Variants in ADORA1 observed in about 807,000 individuals in gnomAD.
The protein encoded by ADORA1 is adenosine receptor A1.
In ADORA1, 6 loss-of-function variants were observed where a neutral mutation model predicts 19.9. That is an observed-to-expected ratio of 0.30 (90% CI 0.17 to 0.59). ADORA1 has a LOEUF of 0.59. Among genes scored for constraint, ADORA1 ranks in the 20% least tolerant of loss-of-function variants. ADORA1 has a pLI of 0.87. For synonymous variants in ADORA1, 194 were observed against 188.4 expected (o/e 1.03, Z -0.24); for missense variants, 302 against 439.2 (o/e 0.69, Z 2.79).
chr1:203,165,048 C>T lies in ADORA1; in HGVS notation c.342-213C>T, dbSNP rs1382127101. 6.5e-7 allele frequency: 1 copy of T among 1,550,312 alleles called. No individual in the cohort carries two copies. The highest frequency in any genetic ancestry group is 2.4e-5 in the East Asian group (1 of 40,922). ...TTTGTCATTAATCAGGATTTCCTCT[C>T]TCTGTAGGAGAATAAGCCAATGCAT... is the stretch of plus-strand genomic sequence containing the variant. On this transcript the variant is annotated intron_variant, in intron 3 of 3. Coordinates refer to ENST00000337894, the MANE Select transcript of ADORA1 (RefSeq NM_000674.3). This position sits in a 1 kb window ranked among gnomAD's most constrained non-coding sequence, Gnocchi z 5.9.
chr1:203,142,732 T>C (rs1654733745), intron 3 of ADORA1, among the ~76,000 whole-genome samples: 1 of 152,118 alleles, frequency 6.6e-6, no homozygotes, highest in African/African-American at 2.4e-5. Context: ...TTCCAGGGTG[T>C]GAATAGTTCC....
intron 3 of ADORA1, among the ~76,000 whole-genome samples, chr1:203,132,130 T>C (rs1450892444): frequency 1.3e-5 from 2 of 152,246 alleles, no homozygotes; most frequent in African/African-American, 4.8e-5. Context: ...CTCAAATTGT[T>C]GATTCATCAG....
intron 3 of ADORA1, among the ~76,000 whole-genome samples, chr1:203,136,224 G>A (rs897878906): frequency 1.3e-5 from 2 of 152,194 alleles, no homozygotes; most frequent in Non-Finnish European, 2.9e-5. Context: ...CAGGCAGGTG[G>A]TCGTGGGGAT....
chr1:203,136,227 G>A (rs3766566), intron 3 of ADORA1, among the ~76,000 whole-genome samples: 29,844 of 152,096 alleles, frequency 0.2, 3,241 homozygotes, highest in East Asian at 0.33. Context: ...GCAGGTGGTC[G>A]TGGGGATAAG....
chr1:203,156,012 A>G (rs1359016546), intron 3 of ADORA1, among the ~76,000 whole-genome samples: 1 of 152,260 alleles, frequency 6.6e-6, no homozygotes, highest in Non-Finnish European at 1.5e-5. Context: ...GTCCTTGAGC[A>G]ATCATTTCTG....
At chr1:203,140,994 G>C (rs1654666289) in intron 3 of ADORA1, among the ~76,000 whole-genome samples, 2 of 152,264 alleles carry the variant, frequency 1.3e-5, no homozygotes, top group Non-Finnish European at 2.9e-5. Context: ...CTCGTGCACA[G>C]TGGTTCCCAC....
chr1:203,130,199 C>T (rs935858588), intron 3 of ADORA1, among the ~76,000 whole-genome samples: 1 of 152,242 alleles, frequency 6.6e-6, no homozygotes, highest in Admixed American at 6.5e-5. Flanking sequence ...CCTCTGACCT[C>T]ACTTGGCCCC....
At chr1:203,151,416 T>C (rs138793380) in intron 3 of ADORA1, among the ~76,000 whole-genome samples, 4 of 152,346 alleles carry the variant, frequency 2.6e-5, no homozygotes, top group African/African-American at 9.6e-5. Flanking sequence ...GAGAGCTGGC[T>C]GTGAAATAGA....
chr1:203,154,673 C>A (rs904831062), intron 3 of ADORA1, among the ~76,000 whole-genome samples: 8 of 152,150 alleles, frequency 5.3e-5, no homozygotes, highest in African/African-American at 1.9e-4. Flanking sequence ...CCGCCCCATC[C>A]CCACTGCTCC....
Position 203,132,827 on chromosome 1 carries a change from A to G in ADORA1, c.341+3645A>G, listed in dbSNP as rs533903926. Among the ~76,000 whole-genome samples the G allele has an allele frequency of 2.3e-4, 35 of 152,308 alleles. No homozygotes were observed. The South Asian group carries it at 5.2e-3, about 23-fold the overall frequency. On this transcript the variant is annotated intron_variant, in intron 3 of 3. Transcript: ENST00000337894. ...GCGCCACTACACTCTAGCCTGGGCA[A>G]CAGAGCAAGACTCTGTCTCAATATA...
rs763681145 is a variant in ADORA1, at chr1:203,133,153, G to C, written c.341+3971G>C. Among the ~76,000 whole-genome samples, 95 of 145,828 alleles carry C rather than the reference G, an allele frequency of 6.5e-4. 1 individual carries two copies. The South Asian group carries it at 7.5e-3, about 12-fold the overall frequency. On this transcript the variant is annotated intron_variant, in intron 3 of 3. Transcript: ENST00000337894. ...TTTTGAGATGGAGTCTCATTCTGTC[G>C]CCCAGGCTGGAGTGCAGTGGCACAA...
chr1:203,165,312 C>T lies in ADORA1; in HGVS notation c.393C>T (p.Cys131=). Residue 131 remains cysteine, a synonymous_variant, in exon 4 of 4, where the codon TGC becomes TGT. Coordinates refer to ENST00000337894, the MANE Select transcript of ADORA1 (RefSeq NM_000674.3). This position sits in a 1 kb window ranked among gnomAD's most constrained non-coding sequence, Gnocchi z 5.9. ...GGGCGGCGGTGGCCATAGCCGGCTG[C>T]TGGATCCTCTCCTTCGTGGTGGGAC... ...PRRAAVAIAG[C]WILSFVVGLT... The T allele has an allele frequency of 6.4e-7, 1 of 1,569,510 alleles. No individual in the cohort carries two copies. Among genetic ancestry groups the T allele is most frequent in the Non-Finnish European group, 8.6e-7 (1 of 1,157,848 alleles).
At chr1:203,132,590 C>T (rs1654377443) in intron 3 of ADORA1, among the ~76,000 whole-genome samples, 1 of 152,162 alleles carries the variant, frequency 6.6e-6, no homozygotes, top group African/African-American at 2.4e-5. Flanking sequence ...TGCCTGTAAT[C>T]CCAGCACATT....
intron 3 of ADORA1, among the ~76,000 whole-genome samples, chr1:203,140,347 G>A (rs1278278332): frequency 6.6e-6 from 1 of 152,194 alleles, no homozygotes; most frequent in Non-Finnish European, 1.5e-5. Flanking sequence ...ACTGGAAATA[G>A]GTTGAGGTGC....
At chr1:203,153,002 C>T (rs902451265) in intron 3 of ADORA1, among the ~76,000 whole-genome samples, 1 of 152,192 alleles carries the variant, frequency 6.6e-6, no homozygotes, top group African/African-American at 2.4e-5. Flanking sequence ...GAAAGCCTCC[C>T]ACTTTGCACC....
chr1:203,134,567 C>T (rs1410972674), intron 3 of ADORA1, among the ~76,000 whole-genome samples: 3 of 152,158 alleles, frequency 2.0e-5, no homozygotes, highest in Non-Finnish European at 2.9e-5. Flanking sequence ...GGCAACCTGC[C>T]GAGGTGTCAG....
intron 3 of ADORA1, among the ~76,000 whole-genome samples, chr1:203,151,788 GCATT>G (rs34226911): frequency 0.35 from 52,769 of 151,148 alleles, 10,748 homozygotes; most frequent in East Asian, 0.58. Context: ...ATGCATGCAT[GCATT>G]CATTCATTCA....
chr1:203,161,425 G>C (rs1408143481), intron 3 of ADORA1, among the ~76,000 whole-genome samples: 1 of 152,090 alleles, frequency 6.6e-6, no homozygotes, highest in Non-Finnish European at 1.5e-5. Context: ...GACAACACAG[G>C]GGGGCCCCTG....
Position 203,159,467 on chromosome 1 carries a change from C to T in ADORA1, c.342-5794C>T, listed in dbSNP as rs535403874. ...TCTTGCCACTCTTGCCTCAGCACCT[C>T]TCCCCGATGGTGCCTTCTGCCTAGA... On this transcript the variant is annotated intron_variant, in intron 3 of 3. Transcript: ENST00000337894. 2.0e-5 allele frequency among the ~76,000 whole-genome samples: 3 copies of T among 152,294 alleles called. No individual in the cohort carries two copies. In the East Asian group the frequency reaches 5.8e-4, roughly 30 times the overall value.
Sources: allele counts gnomAD v4.1 joint callset (sites outside exome capture counted in the v4.1 genomes callset), GRCh38; gene constraint gnomAD v4.1.1; non-coding constraint Gnocchi (gnomAD v3.1); transcripts MANE v1.5; gene names NCBI Gene and HGNC (gene_info 2026-07-23, HGNC 2026-07-21).